Variants in BMPR2 observed in about 807,000 individuals in gnomAD.
BMPR2 encodes the protein bone morphogenetic protein receptor type-2.
BMPR2 carries 29 observed loss-of-function variants against 100.8 expected under a neutral mutation model. The observed-to-expected ratio is 0.29, with a 90% CI of 0.21 to 0.39. BMPR2 has a LOEUF of 0.39. Ranked by LOEUF, BMPR2 falls within the 10% of genes least tolerant of loss-of-function variation. The pLI, the probability that BMPR2 is intolerant of heterozygous loss-of-function variation, is 1.00. For synonymous variants in BMPR2, 382 were observed against 442.3 expected (o/e 0.86, Z 1.71); for missense variants, 1,011 against 1,274.5 (o/e 0.79, Z 3.15).
chr2:202,493,654 T>TA (rs1692958845), intron 3 of BMPR2, among the ~76,000 whole-genome samples: 1 of 152,212 alleles, frequency 6.6e-6, no homozygotes, highest in African/African-American at 2.4e-5. Flanking sequence ...AATAGCTATT[T>TA]AAAATACACT....
intron 1 of BMPR2, among the ~76,000 whole-genome samples, chr2:202,434,933 ATATTTATT>A (rs1343136624): frequency 4.9e-4 from 40 of 82,018 alleles, no homozygotes; most frequent in African/African-American, 1.3e-3. Context: ...ATATATATAT[ATATTTATT>A]TATTTATTTA....
rs554053945 is a variant in BMPR2, at chr2:202,495,331, T to C, written c.419-18388T>C. Among the ~76,000 whole-genome samples the C allele has an allele frequency of 1.3e-5, 2 of 152,316 alleles. No homozygotes were observed. The highest frequency in any genetic ancestry group is 1.3e-4 in the Admixed American group (2 of 15,296). ...GGTTTTCTCCTGGAGTTGGGCCGCTTGGTGGCCAGGGCTCTCCTCCGTCTG... is the reference window on the plus strand; with the variant it reads ...GGTTTTCTCCTGGAGTTGGGCCGCTCGGTGGCCAGGGCTCTCCTCCGTCTG... On this transcript the variant is annotated intron_variant, in intron 3 of 12. Transcript: ENST00000374580. This position sits in a 1 kb window ranked among gnomAD's most constrained non-coding sequence, Gnocchi z 4.5.
intron 7 of BMPR2, among the ~76,000 whole-genome samples, chr2:202,529,681 A>AT (rs1228590859): frequency 1.3e-5 from 2 of 152,090 alleles, no homozygotes; most frequent in Non-Finnish European, 2.9e-5. Flanking sequence ...GGTAACTCCT[A>AT]TTTTTTCTTC....
At chr2:202,517,173 C>T (rs536761670) in intron 5 of BMPR2, among the ~76,000 whole-genome samples, 3 of 150,902 alleles carry the variant, frequency 2.0e-5, no homozygotes, top group African/African-American at 7.3e-5. Context: ...TGAGCTGAGA[C>T]CGTGCCACTG....
rs1688649850 is a variant in BMPR2, at chr2:202,559,831, A to G, written c.3002A>G (p.Asn1001Ser). The change falls in exon 13 of 13, where the codon AAC (asparagine) becomes AGC (serine). Residue 1001 changes from asparagine (N) to serine (S), a missense_variant. Asn to Ser is a conservative substitution (Grantham distance 46, BLOSUM62 1). Around this residue, in one of 6 missense-constraint regions of BMPR2, gnomAD observed 58 missense variants for 72.3 expected, o/e 0.80. Transcript: ENST00000374580. ...ISTESLDCEV[N>S]NNGSNRAVHS... The stretch of plus-strand genomic sequence containing the variant: ...ACTGAATCGCTGGACTGTGAAGTCA[A>G]CAATAATGGCAGTAACAGGGCAGTT... 4 of 1,614,196 alleles carry G rather than the reference A, an allele frequency of 2.5e-6. No homozygotes were observed. The highest frequency in any genetic ancestry group is 2.5e-6 in the Non-Finnish European group (3 of 1,180,036).
chr2:202,457,870 C>T (rs1362377566), intron 1 of BMPR2, among the ~76,000 whole-genome samples: 1 of 152,012 alleles, frequency 6.6e-6, no homozygotes, highest in East Asian at 1.9e-4. Flanking sequence ...GCTGAGATGA[C>T]AGGCACACGC....
Position 202,467,680 on chromosome 2 carries a change from A to G in BMPR2, c.409A>G (p.Thr137Ala), listed in dbSNP as rs900978149. 1 of 1,610,972 alleles carries G rather than the reference A, an allele frequency of 6.2e-7. No individual in the cohort carries two copies. ...FTENFPPPDT[T>A]PLSPPHSFNR... ...TGAGAATTTTCCACCTCCTGACACA[A>G]CACCACTCAGTAAGTAAAGTAACCA... Residue 137 changes from threonine to alanine, a missense_variant, in exon 3 of 13, where the codon ACA (threonine) becomes GCA (alanine). By Grantham distance (58) the Thr-to-Ala change is moderately conservative (BLOSUM62 0). Around this residue, in one of 6 missense-constraint regions of BMPR2, gnomAD observed 355 missense variants for 455.3 expected, o/e 0.78. Transcript: ENST00000374580.
At chr2:202,484,709 G>A (rs1379268163) in intron 3 of BMPR2, among the ~76,000 whole-genome samples, 4 of 149,774 alleles carry the variant, frequency 2.7e-5, no homozygotes, top group Non-Finnish European at 5.9e-5. Flanking sequence ...GCTCACGCCT[G>A]TAATCCCAGC....
At position 202,560,051 on chromosome 2, in the gene BMPR2, C is replaced by G; in HGVS notation, c.*105C>G. The G allele has an allele frequency of 2.2e-6, 3 of 1,371,300 alleles. No homozygotes were observed. The South Asian group carries it at 3.9e-5, about 18-fold the overall frequency. The allele number at this position is 1,371,300 out of a possible 1,614,324, so 84.9% of individuals were successfully genotyped here. ...CTGCTTTATCCTCCTGTCAGCACCCCCTCCCACCCCTGCAACAAAGACTTG... is the reference window on the plus strand; with the variant it reads ...CTGCTTTATCCTCCTGTCAGCACCCGCTCCCACCCCTGCAACAAAGACTTG... On this transcript the variant is annotated 3_prime_UTR_variant, in exon 13 of 13. Coordinates refer to ENST00000374580, the MANE Select transcript of BMPR2 (RefSeq NM_001204.7).
intron 1 of BMPR2, among the ~76,000 whole-genome samples, chr2:202,430,595 T>C (rs1050473531): frequency 9.2e-5 from 14 of 152,180 alleles, no homozygotes; most frequent in Non-Finnish European, 4.4e-5. Context: ...TTTTGACCCA[T>C]TCTTTTTGCC....
intron 1 of BMPR2, among the ~76,000 whole-genome samples, chr2:202,384,033 G>A (rs892307136): frequency 3.3e-5 from 5 of 151,862 alleles, no homozygotes; most frequent in Admixed American, 2.0e-4. Context: ...TTACCCGGGC[G>A]TGGTGGCGGG....
rs1475649629 is a variant in BMPR2 at position 202,464,995 on chromosome 2, C to G, written c.247+16C>G. 1 of 1,613,468 alleles carries G rather than the reference C, an allele frequency of 6.2e-7. No homozygotes were observed. Among genetic ancestry groups the G allele is most frequent in the East Asian group, 2.2e-5 (1 of 44,856 alleles). ...GTAAAACAAGGCAAGTGATACTTTC[C>G]TTACCTGAAATGACTGTGTTTTATA... On this transcript the variant is annotated intron_variant, in intron 2 of 12. Transcript: ENST00000374580.
rs533940089 is a variant in BMPR2 at position 202,542,173 on chromosome 2, G to A, written c.1277-138G>A. On this transcript the variant is annotated intron_variant, in intron 9 of 12. Coordinates refer to ENST00000374580, the MANE Select transcript of BMPR2 (RefSeq NM_001204.7). ...CAAGGTCTCTTTAGGATTTCCAAAT[G>A]TGCCTGAAGGGGATGAAAAAATAAA... is the stretch of plus-strand genomic sequence containing the variant. 6.1e-5 allele frequency: 58 copies of A among 951,074 alleles called. No homozygotes were observed. The African/African-American group carries it at 8.4e-4, about 14-fold the overall frequency. 58.9% of individuals were successfully genotyped at this position (951,074 alleles called of 1,614,324 possible). A position where few individuals can be genotyped will look rare whatever the true frequency, so the allele number is the denominator to read the frequency against.
chr2:202,545,120 G>C (rs1157152257), intron 10 of BMPR2, among the ~76,000 whole-genome samples: 3 of 85,746 alleles, frequency 3.5e-5, no homozygotes, highest in Non-Finnish European at 7.7e-5. Flanking sequence ...ATTCCCACTA[G>C]ACAAATATTG....
chr2:202,411,633 G>A lies in BMPR2; in HGVS notation c.76+34083G>A, dbSNP rs531023028. On this transcript the variant is annotated intron_variant, in intron 1 of 12. Coordinates refer to ENST00000374580, the MANE Select transcript of BMPR2 (RefSeq NM_001204.7). ...GTTTTGTGTGCTCTGTTGGAGTCTAGTGTAGAAACTCAGCCCAAAACAGTG... is the reference window on the plus strand; with the variant it reads ...GTTTTGTGTGCTCTGTTGGAGTCTAATGTAGAAACTCAGCCCAAAACAGTG... Among the ~76,000 whole-genome samples the A allele has an allele frequency of 2.0e-5, 3 of 152,272 alleles. No homozygotes were observed. In the South Asian group the frequency reaches 6.2e-4, roughly 32 times the overall value.
At chr2:202,531,363 TAA>T (rs1003006956) in intron 8 of BMPR2, among the ~76,000 whole-genome samples, 5 of 152,186 alleles carry the variant, frequency 3.3e-5, no homozygotes, top group African/African-American at 9.7e-5. Flanking sequence ...TTAGGAAATA[TAA>T]AAGACATCTC....
At chr2:202,535,126 C>CG (rs577650641) in intron 9 of BMPR2, among the ~76,000 whole-genome samples, 25 of 134,118 alleles carry the variant, frequency 1.9e-4, no homozygotes, top group Non-Finnish European at 1.4e-4. Context: ...GCTGGCCGGG[C>CG]GGGGGGCTGA....
chr2:202,393,334 C>T (rs1288235603), intron 1 of BMPR2, among the ~76,000 whole-genome samples: 1 of 152,180 alleles, frequency 6.6e-6, no homozygotes, highest in Non-Finnish European at 1.5e-5. Flanking sequence ...TACTGTCTTT[C>T]TATCTCCACC....
rs1026225260 is a variant in BMPR2, at chr2:202,567,506, T to G, written c.*7560T>G. ...TTGATGGATCAGTGTGAGTATAAAATAAAGCAAATCACTTTTCTTTTGTAT... is the reference window on the plus strand; with the variant it reads ...TTGATGGATCAGTGTGAGTATAAAAGAAAGCAAATCACTTTTCTTTTGTAT... On this transcript the variant is annotated 3_prime_UTR_variant, in exon 13 of 13. Coordinates refer to ENST00000374580, the MANE Select transcript of BMPR2 (RefSeq NM_001204.7). The G allele has an allele frequency of 1.3e-5, 2 of 152,662 alleles. No individual in the cohort carries two copies. Among genetic ancestry groups the G allele is most frequent in the Non-Finnish European group, 2.9e-5 (2 of 68,034 alleles). The allele number at this position is 152,662 out of a possible 1,614,324, so 9.5% of individuals were successfully genotyped here. A position where few individuals can be genotyped will look rare whatever the true frequency, so the allele number is the denominator to read the frequency against.
Sources: allele counts gnomAD v4.1 joint callset (sites outside exome capture counted in the v4.1 genomes callset), GRCh38; gene constraint gnomAD v4.1.1; regional missense constraint gnomAD v4.1.1; non-coding constraint Gnocchi (gnomAD v3.1); transcripts MANE v1.5; gene names NCBI Gene and HGNC (gene_info 2026-07-23, HGNC 2026-07-21).